The following BNC2 variants were observed in gnomAD, a reference collection of about 807,000 sequenced individuals.
BNC2 encodes the protein basonuclin zinc finger protein 2.
Under a neutral mutation model 76.3 loss-of-function variants are expected in BNC2, and 20 were observed. The observed-to-expected ratio is 0.26, with a 90% CI of 0.18 to 0.38. The LOEUF is 0.38. BNC2 is among the 10% of genes least tolerant of loss of function. The probability of loss-of-function intolerance (pLI) is 1.00; values close to 1 mark genes in which losing one functional copy is unlikely to be tolerated. For synonymous variants in BNC2, 582 were observed against 514.8 expected, an observed-to-expected ratio of 1.13 and a Z score of -1.77; for missense variants, 1,382 against 1,399.8, an observed-to-expected ratio of 0.99 and a Z score of 0.20.
chr9:16,493,639 C>T (rs1197686194), intron 5 of BNC2, among the ~76,000 whole-genome samples: 2 of 152,122 alleles, frequency 1.3e-5, no homozygotes, highest in Non-Finnish European at 2.9e-5. Flanking sequence ...CCAAATAAGA[C>T]CCTCAAGGAG....
intron 5 of BNC2, among the ~76,000 whole-genome samples, chr9:16,480,225 G>A (rs920058539): frequency 7.9e-5 from 12 of 152,196 alleles, no homozygotes; most frequent in Non-Finnish European, 1.5e-4. Context: ...ACCTAGCACT[G>A]CACACTTTTC....
At chr9:16,678,393 A>G (rs115245931) in intron 3 of BNC2, among the ~76,000 whole-genome samples, 3,415 of 144,410 alleles carry the variant, frequency 0.024, 132 homozygotes, top group African/African-American at 0.083. Context: ...CTCAGCCTCC[A>G]AATAGCTGGG....
chr9:16,439,020 C>T (rs57010092), intron 5 of BNC2, among the ~76,000 whole-genome samples: 12,691 of 152,148 alleles, frequency 0.083, 569 homozygotes, highest in Middle Eastern at 0.13. Flanking sequence ...CGTACTGTTC[C>T]TATGACAGTG....
intron 6 of BNC2, among the ~76,000 whole-genome samples, chr9:16,431,994 C>A (rs1376131326): frequency 2.6e-5 from 4 of 152,166 alleles, no homozygotes; most frequent in African/African-American, 9.7e-5. Flanking sequence ...AGTCTGCAGC[C>A]CCGGGGTTGG....
At chr9:16,473,709 C>T (rs1355105374) in intron 5 of BNC2, among the ~76,000 whole-genome samples, 3 of 151,908 alleles carry the variant, frequency 2.0e-5, no homozygotes, top group Non-Finnish European at 4.4e-5. Context: ...TCTGTCTCTA[C>T]TAAAATTACA....
At chr9:16,869,099 GTTC>G (rs1211551991) in intron 1 of BNC2, among the ~76,000 whole-genome samples, 3 of 152,280 alleles carry the variant, frequency 2.0e-5, no homozygotes, top group Middle Eastern at 3.4e-3. Flanking sequence ...CTTTTACAGT[GTTC>G]TTGTGTAAAA....
chr9:16,768,747 T>A (rs1410491891), intron 1 of BNC2, among the ~76,000 whole-genome samples: 1 of 152,138 alleles, frequency 6.6e-6, no homozygotes, highest in Non-Finnish European at 1.5e-5. Flanking sequence ...AAAAACTGCC[T>A]ACATAAACAA....
intron 1 of BNC2, among the ~76,000 whole-genome samples, chr9:16,819,942 T>C (rs1238392571): frequency 6.6e-6 from 1 of 151,712 alleles, no homozygotes; most frequent in Non-Finnish European, 1.5e-5. Flanking sequence ...CTGGCCAACA[T>C]GGTGAAACCC....
intron 3 of BNC2, among the ~76,000 whole-genome samples, chr9:16,659,147 C>G (rs966593653): frequency 4.7e-5 from 7 of 150,126 alleles, no homozygotes; most frequent in Admixed American, 1.3e-4. Flanking sequence ...AGATGGATGG[C>G]GGGGGGGGGC....
chr9:16,438,819 T>G (rs912424042), intron 5 of BNC2, among the ~76,000 whole-genome samples: 2 of 152,092 alleles, frequency 1.3e-5, no homozygotes, highest in Non-Finnish European at 2.9e-5. Context: ...TGAGTAGAAA[T>G]CACGCCATCA....
intron 5 of BNC2, among the ~76,000 whole-genome samples, chr9:16,543,667 G>C (rs889857536): frequency 6.6e-6 from 1 of 152,208 alleles, no homozygotes; most frequent in Admixed American, 6.5e-5. Flanking sequence ...AAAACATCAA[G>C]CTTTGTCCTT....
chr9:16,445,048 T>A lies in BNC2; in HGVS notation c.670-7524A>T, dbSNP rs142168952. 1.7e-3 allele frequency among the ~76,000 whole-genome samples: 258 copies of A among 152,236 alleles called. 1 individual carries two copies. The highest frequency in any genetic ancestry group is 3.9e-3 in the Admixed American group (60 of 15,296). On this transcript the variant is annotated intron_variant, in intron 5 of 6. Transcript: ENST00000380672. ...CTATGTGCCTGCAAGTGTGTAAGTA[T>A]GAGCAGGCAAGATGGGGAGAAGAAT...
In BNC2 at chr9:16,793,860, G is replaced by GTTTT. The variant is rs377349585; in HGVS notation, c.4-55379_4-55376dup. Reference sequence around the variant, plus strand: ...CTAGTTTTTGTTTTTTGTGGTTTTTGTTTTTTTGTTTTTTTTTTTTTTTAG... The same window carrying GTTTT: ...CTAGTTTTTGTTTTTTGTGGTTTTTGTTTTTTTTTTTGTTTTTTTTTTTTTTTAG... On this transcript the variant is annotated intron_variant, in intron 1 of 6. Coordinates refer to ENST00000380672, the MANE Select transcript of BNC2 (RefSeq NM_017637.6). Among the ~76,000 whole-genome samples, 183 of 97,268 alleles carry GTTTT rather than the reference G, an allele frequency of 1.9e-3. 17 individuals carry two copies. The highest frequency in any genetic ancestry group is 2.4e-3 in the Non-Finnish European group (125 of 51,704). The allele number at this position is 97,268 out of a possible 152,430, so 63.8% of individuals were successfully genotyped here. A position where few individuals can be genotyped will look rare whatever the true frequency, so the allele number is the denominator to read the frequency against.
chr9:16,658,536 AT>A (rs916803303), intron 3 of BNC2, among the ~76,000 whole-genome samples: 3 of 152,030 alleles, frequency 2.0e-5, no homozygotes, highest in Middle Eastern at 3.4e-3. Flanking sequence ...ATTCCTTAAT[AT>A]TTTTTTTCCC....
chr9:16,575,152 G>C (rs1819446422), intron 4 of BNC2: 1 of 457,500 alleles, frequency 2.2e-6, no homozygotes, highest in African/African-American at 2.1e-5. Context: ...AGAACAGAGA[G>C]ATTATACAAC....
At chr9:16,555,520 G>C (rs545862619) in intron 4 of BNC2, among the ~76,000 whole-genome samples, 8 of 152,284 alleles carry the variant, frequency 5.3e-5, no homozygotes, top group Admixed American at 1.3e-4. Context: ...AATACAGCTG[G>C]GCAAGGTGGC....
intron 1 of BNC2, among the ~76,000 whole-genome samples, chr9:16,836,022 A>C (rs1475357602): frequency 1.3e-5 from 2 of 152,130 alleles, no homozygotes; most frequent in Non-Finnish European, 2.9e-5. Context: ...TGCAGTACAT[A>C]ATTATTTTCA....
chr9:16,724,861 A>G (rs924074898), intron 3 of BNC2, among the ~76,000 whole-genome samples: 2 of 152,158 alleles, frequency 1.3e-5, no homozygotes, highest in African/African-American at 2.4e-5. Context: ...TCTGTAACTC[A>G]GTTTTGAAAC....
At chr9:16,832,375 A>G (rs912531096) in intron 1 of BNC2, 90 of 1,174,696 alleles carry the variant, frequency 7.7e-5, no homozygotes, top group Non-Finnish European at 9.5e-5. Context: ...AGAGAACACA[A>G]TATGTTTTGC....
Sources: gnomAD v4.1 joint callset for allele counts (sites outside exome capture counted in the v4.1 genomes callset) on GRCh38, gnomAD v4.1.1 for gene constraint, MANE v1.5 for transcripts, NCBI Gene and HGNC (gene_info 2026-07-23, HGNC 2026-07-21) for gene names.